VPS13B: variants seen among roughly 807,000 people sequenced by gnomAD.
VPS13B encodes vacuolar protein sorting 13 homolog B.
In VPS13B, 285 loss-of-function variants were observed where a neutral mutation model predicts 426.4. The observed-to-expected ratio is 0.67, with a 90% CI of 0.61 to 0.74. VPS13B has a LOEUF of 0.74. Among genes scored for constraint, VPS13B ranks in the 30% least tolerant of loss-of-function variants. The pLI is 0.00. For missense variants in VPS13B, 4,537 were observed against 4,782.6 expected (o/e 0.95, Z 1.51); for synonymous variants, 1,676 against 1,676.4 (o/e 1.00, Z 0.01).
intron 54 of VPS13B, among the ~76,000 whole-genome samples, chr8:99,837,861 A>G (rs891895285): frequency 2.6e-5 from 4 of 152,216 alleles, no homozygotes; most frequent in African/African-American, 7.2e-5. Context: ...TTCCTCAGCC[A>G]TTGGTCTGTG....
At chr8:99,141,985 G>A (rs1330542069) in intron 12 of VPS13B, among the ~76,000 whole-genome samples, 3 of 151,782 alleles carry the variant, frequency 2.0e-5, no homozygotes, top group African/African-American at 4.8e-5. Flanking sequence ...CCCAGGAGGC[G>A]GAGCTTTCAG....
intron 19 of VPS13B, among the ~76,000 whole-genome samples, chr8:99,282,090 A>G (rs1256396117): frequency 6.6e-6 from 1 of 152,180 alleles, no homozygotes; most frequent in Admixed American, 6.6e-5. Context: ...CTTTCAGTTA[A>G]TAATGGCACT....
At chr8:99,234,816 A>C (rs1297133209) in intron 17 of VPS13B, among the ~76,000 whole-genome samples, 1 of 152,232 alleles carries the variant, frequency 6.6e-6, no homozygotes, top group Admixed American at 6.5e-5. Context: ...AGTCTCCCAA[A>C]GTAATGCCCT....
At chr8:99,529,479 AC>A (rs1245727156) in intron 30 of VPS13B, among the ~76,000 whole-genome samples, 1 of 152,186 alleles carries the variant, frequency 6.6e-6, no homozygotes, top group African/African-American at 2.4e-5. Flanking sequence ...AATATTCATC[AC>A]TATTAAAGTT....
Position 99,481,651 on chromosome 8 carries a change from T to C in VPS13B, c.3719T>C (p.Ile1240Thr). Residue 1240 changes from isoleucine to threonine, a missense_variant, in exon 25 of 62, where the codon ATT becomes ACT. By Grantham distance (89) the Ile-to-Thr change is moderately conservative. Transcript: ENST00000357162. ...ATCATGAATAAGGTCTGGAACAAGATTCAGAAGAGAGGCAATCTCAACCTA... is the reference window on the plus strand; with the variant it reads ...ATCATGAATAAGGTCTGGAACAAGACTCAGAAGAGAGGCAATCTCAACCTA... ...TDIMNKVWNK[I>T]QKRGNLNLSP... 1 of 1,613,994 alleles carries C rather than the reference T, an allele frequency of 6.2e-7. No individual in the cohort carries two copies. The highest frequency in any genetic ancestry group is 8.5e-7 in the Non-Finnish European group (1 of 1,179,882).
chr8:99,872,627 A>T (rs1302117401), intron 61 of VPS13B, among the ~76,000 whole-genome samples: 1 of 152,176 alleles, frequency 6.6e-6, no homozygotes, highest in Non-Finnish European at 1.5e-5. Flanking sequence ...GATCCATGAG[A>T]TCCTAATTAT....
chr8:99,121,288 G>T lies in VPS13B; in HGVS notation c.1049G>T (p.Trp350Leu). Residue 350 changes from tryptophan (W) to leucine (L), a missense_variant, in exon 8 of 62, where the codon TGG becomes TTG. Around this residue, in one of 2 missense-constraint regions of VPS13B, gnomAD observed 4,311 missense variants for 4,474.3 expected, o/e 0.96. Transcript: ENST00000357162. Reference protein sequence around the residue: ...EQPQGWVSWAWSFVPAIVSYD... With the variant: ...EQPQGWVSWALSFVPAIVSYD... Reference sequence around the variant, plus strand: ...CCACAGGGATGGGTGTCATGGGCCTGGTCCTTTGTGCCTGCAATTGTGAGT... The same window carrying T: ...CCACAGGGATGGGTGTCATGGGCCTTGTCCTTTGTGCCTGCAATTGTGAGT... 6.2e-7 allele frequency: 1 copy of T among 1,614,152 alleles called. No homozygotes were observed. Among genetic ancestry groups the T allele is most frequent in the South Asian group, 1.1e-5 (1 of 91,080 alleles).
chr8:99,034,662 C>T (rs1243011990), intron 2 of VPS13B, among the ~76,000 whole-genome samples: 2 of 152,088 alleles, frequency 1.3e-5, no homozygotes, highest in Admixed American at 1.3e-4. Flanking sequence ...TTCCAGATTT[C>T]TCTGTTAATT....
intron 33 of VPS13B, among the ~76,000 whole-genome samples, chr8:99,609,558 C>A (rs1317287318): frequency 6.6e-6 from 1 of 152,138 alleles, no homozygotes; most frequent in African/African-American, 2.4e-5. Flanking sequence ...AACAAAAATG[C>A]TTTTCCATAA....
At chr8:99,749,600 C>A (rs774225738) in intron 39 of VPS13B, among the ~76,000 whole-genome samples, 16 of 152,040 alleles carry the variant, frequency 1.1e-4, no homozygotes, top group Non-Finnish European at 2.1e-4. Context: ...GAGTAGTACT[C>A]CATTGTGTGT....
rs141566041 is a variant in VPS13B at position 99,861,875 on chromosome 8, G to T, written c.11144G>T (p.Arg3715Leu). The T allele has an allele frequency of 1.9e-6, 3 of 1,596,826 alleles. No individual in the cohort carries two copies. The highest frequency in any genetic ancestry group is 2.6e-6 in the Non-Finnish European group (3 of 1,172,434). The change falls in exon 58 of 62, where the codon CGG becomes CTG. Residue 3715 changes from arginine (R) to leucine (L), a missense_variant. Arg to Leu is a moderately radical substitution (Grantham distance 102). Around this residue, in one of 2 missense-constraint regions of VPS13B, gnomAD observed 4,311 missense variants for 4,474.3 expected, o/e 0.96. Coordinates refer to ENST00000357162, the MANE Select transcript of VPS13B (RefSeq NM_152564.5). Reference protein sequence around the residue: ...EEHYNRQEEWRRQLPESLGEG... With the variant: ...EEHYNRQEEWLRQLPESLGEG... ...CACTACAACCGGCAGGAGGAGTGGC[G>T]GCGGCAGCTCCCCGAGAGCCTGGGC...
chr8:99,736,845 T>C (rs1833853233), intron 39 of VPS13B, among the ~76,000 whole-genome samples: 1 of 152,160 alleles, frequency 6.6e-6, no homozygotes, highest in Non-Finnish European at 1.5e-5. Flanking sequence ...TCAGTCCTCA[T>C]GCTACAAAAA....
chr8:99,227,329 C>T (rs753691919), intron 17 of VPS13B, among the ~76,000 whole-genome samples: 5 of 152,062 alleles, frequency 3.3e-5, no homozygotes, highest in South Asian at 4.1e-4. Context: ...TGAAAAGTAA[C>T]GTACATAATA....
intron 19 of VPS13B, among the ~76,000 whole-genome samples, chr8:99,314,274 T>C (rs2133109272): frequency 6.6e-6 from 1 of 152,214 alleles, no homozygotes; most frequent in East Asian, 1.9e-4. Flanking sequence ...CTGGGAGCTG[T>C]AGACTGGAGC....
chr8:99,716,756 G>A (rs1832940193), intron 36 of VPS13B, among the ~76,000 whole-genome samples: 1 of 152,158 alleles, frequency 6.6e-6, no homozygotes, highest in African/African-American at 2.4e-5. Context: ...AAAAACTTGA[G>A]TGTCTAGCAG....
intron 28 of VPS13B, among the ~76,000 whole-genome samples, chr8:99,508,813 A>G (rs1489409608): frequency 1.3e-5 from 2 of 152,064 alleles, no homozygotes; most frequent in Non-Finnish European, 1.5e-5. Context: ...TAAATAGTAT[A>G]AAGTATTATT....
intron 43 of VPS13B, chr8:99,797,107 G>A (rs1256864551): frequency 6.6e-6 from 1 of 152,220 alleles, no homozygotes; most frequent in African/African-American, 2.4e-5. Context: ...CATGAATATG[G>A]TTGAGGTTGT....
chr8:99,585,600 GA>G lies in VPS13B; in HGVS notation c.5220+7974del, dbSNP rs914039748. On this transcript the variant is annotated intron_variant, in intron 33 of 61. Transcript: ENST00000357162. ...AAGTCATATGATTATCTCAATAAGTGAAAAAAATTTTTAGACAAAATCCAAT... is the reference window on the plus strand; with the variant it reads ...AAGTCATATGATTATCTCAATAAGTGAAAAAATTTTTAGACAAAATCCAAT... Among the ~76,000 whole-genome samples, 140 of 152,016 alleles carry G rather than the reference GA, an allele frequency of 9.2e-4. 1 individual carries two copies. Among genetic ancestry groups the G allele is most frequent in the African/African-American group, 2.8e-3 (118 of 41,490 alleles).
At chr8:99,781,435 T>A (rs2130691608) in intron 42 of VPS13B, among the ~76,000 whole-genome samples, 1 of 152,302 alleles carries the variant, frequency 6.6e-6, no homozygotes, top group South Asian at 2.1e-4. Flanking sequence ...AAGCCATCTT[T>A]TAATTATGAT....
Sources: allele counts gnomAD v4.1 joint callset (sites outside exome capture counted in the v4.1 genomes callset), GRCh38; gene constraint gnomAD v4.1.1; regional missense constraint gnomAD v4.1.1; transcripts MANE v1.5; gene names NCBI Gene and HGNC (gene_info 2026-07-23, HGNC 2026-07-21).